LGR5: variants seen among roughly 807,000 people sequenced by gnomAD.
LGR5 encodes the protein leucine rich repeat containing G protein-coupled receptor 5, also known as leucine-rich repeat-containing G protein-coupled receptor 5.
In LGR5, 54 loss-of-function variants were observed where a neutral mutation model predicts 76.7. The ratio of observed to expected loss-of-function variants is 0.70; its 90% confidence interval spans 0.57 to 0.88. LGR5 has a LOEUF of 0.88. Among genes scored for constraint, LGR5 ranks in the 40% least tolerant of loss-of-function variants. The pLI, the probability that LGR5 is intolerant of heterozygous loss-of-function variation, is 0.00. For synonymous variants in LGR5, 406 were observed against 421.9 expected (o/e 0.96, Z 0.46); for missense variants, 1,078 against 1,073.3 (o/e 1.00, Z -0.06).
chr12:71,510,206 T>C (rs1198947567), intron 2 of LGR5, among the ~76,000 whole-genome samples: 3 of 152,230 alleles, frequency 2.0e-5, no homozygotes, highest in Admixed American at 2.0e-4. Flanking sequence ...GATCGTCTCC[T>C]GTCTTCATAG....
chr12:71,561,567 ATTCT>A (rs1878058523), intron 7 of LGR5, among the ~76,000 whole-genome samples: 1 of 152,102 alleles, frequency 6.6e-6, no homozygotes, highest in African/African-American at 2.4e-5. Flanking sequence ...TTATTTTCAG[ATTCT>A]TTATTTCTCT....
intron 4 of LGR5, among the ~76,000 whole-genome samples, chr12:71,545,585 CT>C (rs1375074212): frequency 6.6e-6 from 1 of 151,866 alleles, no homozygotes; most frequent in Non-Finnish European, 1.5e-5. Context: ...ATTCTTCACA[CT>C]TTTGGCTTTT....
In LGR5 at chr12:71,440,349, TC is replaced by T; in HGVS notation, c.212+59del. The T allele has an allele frequency of 1.3e-6, 2 of 1,552,840 alleles. No homozygotes were observed. The highest frequency in any genetic ancestry group is 1.8e-6 in the Non-Finnish European group (2 of 1,139,822). On this transcript the variant is annotated intron_variant, in intron 1 of 17. Transcript: ENST00000266674. The surrounding 1 kb of genome is among the most constrained non-coding windows in gnomAD (Gnocchi z 5.3). ...AGACTAAGAGGGGAAGGAAGGTTCG[TC>T]CAAGGCGAGGCTGGAGGCTCCTCGG...
At chr12:71,551,007 T>C (rs999689749) in intron 4 of LGR5, among the ~76,000 whole-genome samples, 4 of 152,212 alleles carry the variant, frequency 2.6e-5, no homozygotes, top group African/African-American at 9.6e-5. Flanking sequence ...GAGATGGTGT[T>C]GAATTTTCTA....
At chr12:71,525,527 C>A (rs1256040582) in intron 3 of LGR5, among the ~76,000 whole-genome samples, 5 of 151,606 alleles carry the variant, frequency 3.3e-5, no homozygotes, top group Admixed American at 3.3e-4. Context: ...TATAGTTTCA[C>A]AAACCCCCCA....
At position 71,553,194 on chromosome 12, in the gene LGR5, A is replaced by G; in HGVS notation, c.550A>G (p.Ser184Gly). 1 of 1,614,026 alleles carries G rather than the reference A, an allele frequency of 6.2e-7. No homozygotes were observed. Among genetic ancestry groups the G allele is most frequent in the East Asian group, 2.2e-5 (1 of 44,858 alleles). The change falls in exon 5 of 18, where the codon AGT becomes GGT. Residue 184 changes from serine (S) to glycine (G), a missense_variant. Transcript: ENST00000266674. ...AGAAATCCCCGTCCAGGCTTTTAGAAGTTTATCGGCATTGCAAGCCATGAC... is the reference window on the plus strand; with the variant it reads ...AGAAATCCCCGTCCAGGCTTTTAGAGGTTTATCGGCATTGCAAGCCATGAC... Reference protein sequence around the residue: ...LTEIPVQAFRSLSALQAMTLA... With the variant: ...LTEIPVQAFRGLSALQAMTLA...
At chr12:71,538,850 C>T (rs936796646) in intron 4 of LGR5, among the ~76,000 whole-genome samples, 18 of 152,044 alleles carry the variant, frequency 1.2e-4, no homozygotes, top group Non-Finnish European at 2.1e-4. Context: ...AGAGCAAGAC[C>T]GTGTCTCTGA....
intron 13 of LGR5, among the ~76,000 whole-genome samples, chr12:71,575,438 ATGGTTCACACCTG>A (rs1346815321): frequency 2.6e-5 from 4 of 152,062 alleles, no homozygotes; most frequent in Admixed American, 2.6e-4. Context: ...GTTGGGTGTG[ATGGTTCACACCTG>A]TAATCCCAGC....
Position 71,584,477 on chromosome 12 carries a change from T to C in LGR5, c.2467T>C (p.Phe823Leu), listed in dbSNP as rs1879236425. The change falls in exon 18 of 18, where the codon TTC (phenylalanine) becomes CTC (leucine). Residue 823 changes from phenylalanine (F) to leucine (L), a missense_variant. By Grantham distance (22) the Phe-to-Leu change is conservative. Transcript: ENST00000266674. ...TCTCAATCCCCTTCTCTACATCTTG[T>C]TCAATCCTCACTTTAAGGAGGATCT... The part of the protein sequence containing the change: ...ACLNPLLYIL[F>L]NPHFKEDLVS... The C allele has an allele frequency of 6.2e-7, 1 of 1,614,196 alleles. No individual in the cohort carries two copies. The highest frequency in any genetic ancestry group is 2.2e-5 in the East Asian group (1 of 44,890).
At chr12:71,579,836 G>C (rs1879015720) in intron 15 of LGR5, among the ~76,000 whole-genome samples, 1 of 152,066 alleles carries the variant, frequency 6.6e-6, no homozygotes, top group South Asian at 2.1e-4. Flanking sequence ...TCTTAAAAAT[G>C]CCACTCTAAA....
chr12:71,546,974 G>A (rs538156435), intron 4 of LGR5, among the ~76,000 whole-genome samples: 75 of 152,230 alleles, frequency 4.9e-4, no homozygotes, highest in African/African-American at 1.6e-3. Context: ...CACTGGGACC[G>A]TAAGAGACAG....
chr12:71,508,121 G>A (rs369337782), intron 2 of LGR5, among the ~76,000 whole-genome samples: 5 of 151,670 alleles, frequency 3.3e-5, no homozygotes, highest in African/African-American at 4.8e-5. Context: ...CCAGCTACTC[G>A]GGAGGCTGAG....
rs1491336848 is a variant in LGR5 at position 71,533,363 on chromosome 12, T to TAAATAAA, written c.357-1752_357-1751insAAATAAA. Among the ~76,000 whole-genome samples, 344 of 152,032 alleles carry TAAATAAA rather than the reference T, an allele frequency of 2.3e-3. 2 individuals carry two copies. The highest frequency in any genetic ancestry group is 8.0e-3 in the African/African-American group (331 of 41,470). ...CGTCTCAAAATAAATAAATAAATAA[T>TAAATAAA]TAAATAACTAAATACATAAATATTT... On this transcript the variant is annotated intron_variant, in intron 3 of 17. Coordinates refer to ENST00000266674, the MANE Select transcript of LGR5 (RefSeq NM_003667.4).
intron 1 of LGR5, among the ~76,000 whole-genome samples, chr12:71,484,615 C>G (rs1873750362): frequency 6.6e-6 from 1 of 152,100 alleles, no homozygotes; most frequent in East Asian, 1.9e-4. Flanking sequence ...TCTGGATGTT[C>G]ACAAAGGGTT....
intron 14 of LGR5, 82 bp from the exon 15 acceptor site, chr12:71,578,722 A>G (rs1330205219): frequency 1.4e-5 from 19 of 1,377,446 alleles, no homozygotes; most frequent in Non-Finnish European, 1.9e-5. Context: ...TAGTTTAACG[A>G]TCTTTAGGTT....
At chr12:71,468,130 T>A (rs1467541131) in intron 1 of LGR5, among the ~76,000 whole-genome samples, 1 of 152,194 alleles carries the variant, frequency 6.6e-6, no homozygotes, top group East Asian at 1.9e-4. Context: ...GACAAACTGG[T>A]AGGCAAGACA....
chr12:71,528,206 C>G (rs1160959954), intron 3 of LGR5, among the ~76,000 whole-genome samples: 2 of 152,094 alleles, frequency 1.3e-5, no homozygotes, highest in Non-Finnish European at 2.9e-5. Flanking sequence ...CTGTATAATC[C>G]TAGCACTTTG....
At chr12:71,535,433 T>C (rs2137368057) in intron 4 of LGR5, among the ~76,000 whole-genome samples, 1 of 152,286 alleles carries the variant, frequency 6.6e-6, no homozygotes, top group African/African-American at 2.4e-5. Flanking sequence ...AAAGCACTAC[T>C]TCCAAGATCC....
chr12:71,487,642 G>A (rs1444276316), intron 1 of LGR5, among the ~76,000 whole-genome samples: 4 of 152,066 alleles, frequency 2.6e-5, no homozygotes, highest in Non-Finnish European at 5.9e-5. Context: ...CTAACTCCTG[G>A]CCTCAAGCGA....
Sources: gnomAD v4.1 joint callset for allele counts (sites outside exome capture counted in the v4.1 genomes callset) on GRCh38, gnomAD v4.1.1 for gene constraint, Gnocchi (gnomAD v3.1) non-coding constraint, MANE v1.5 for transcripts, NCBI Gene and HGNC (gene_info 2026-07-23, HGNC 2026-07-21) for gene names.